The following TTC1 variants were observed in gnomAD, a reference collection of about 807,000 sequenced individuals.
The protein encoded by TTC1 is tetratricopeptide repeat domain 1, also known as tetratricopeptide repeat protein 1.
In TTC1, 31 loss-of-function variants were observed where a neutral mutation model predicts 37.6. The ratio of observed to expected loss-of-function variants is 0.82; its 90% CI spans 0.62 to 1.11. The LOEUF (loss-of-function observed/expected upper bound fraction) is 1.11, where lower values mean the gene tolerates loss of function less well. Ranked by LOEUF, TTC1 falls within the 50% of genes most tolerant of loss-of-function variation. The pLI is 0.00. For missense variants in TTC1, 351 were observed against 339.0 expected, an observed-to-expected ratio of 1.04 and a Z score of -0.28; for synonymous variants, 127 against 122.4, an observed-to-expected ratio of 1.04 and a Z score of -0.25.
At chr5:160,029,168 G>C (rs1756862541) in intron 2 of TTC1, among the ~76,000 whole-genome samples, 1 of 152,170 alleles carries the variant, frequency 6.6e-6, no homozygotes, top group Admixed American at 6.5e-5. Context: ...ATGTGAGGAA[G>C]AATCCTGGGT....
At chr5:160,046,722 T>G (rs1431360639) in intron 5 of TTC1, among the ~76,000 whole-genome samples, 1 of 152,072 alleles carries the variant, frequency 6.6e-6, no homozygotes, top group Non-Finnish European at 1.5e-5. Flanking sequence ...CCTAAGAAAT[T>G]AGAGCAACAG....
In TTC1 at chr5:160,014,241, G is replaced by T. The variant is rs141634528; in HGVS notation, c.330+3383G>T. On this transcript the variant is annotated intron_variant, in intron 2 of 7. Coordinates refer to ENST00000231238, the MANE Select transcript of TTC1 (RefSeq NM_003314.3). ...GGCCTGGTGGCGGGCTCCTGTAATC[G>T]CAACTACTCAGGAGGATGAGGCAGG... Among the ~76,000 whole-genome samples the T allele has an allele frequency of 1.5e-4, 23 of 151,828 alleles. No individual in the cohort carries two copies. The East Asian group carries it at 3.9e-3, about 26-fold the overall frequency.
At chr5:160,045,491 C>A (rs942645749) in intron 5 of TTC1, among the ~76,000 whole-genome samples, 1 of 121,212 alleles carries the variant, frequency 8.3e-6, no homozygotes, top group Non-Finnish European at 1.7e-5. Context: ...CACACACACA[C>A]ACACACACAC....
At position 160,050,492 on chromosome 5, in the gene TTC1, C is replaced by T. The variant is rs149878438; in HGVS notation, c.691-637C>T. On this transcript the variant is annotated intron_variant, in intron 6 of 7. Transcript: ENST00000231238. ...TGAATTTAAAAAAAAGTTAAAAATA[C>T]AAATATAGCACTGTAAACATCTGAT... Among the ~76,000 whole-genome samples, 23 of 152,154 alleles carry T rather than the reference C, an allele frequency of 1.5e-4. 1 individual carries two copies. The highest frequency in any genetic ancestry group is 4.3e-4 in the African/African-American group (18 of 41,510).
At chr5:160,011,598 AACATCTGTCTTCCT>A (rs1468343597) in intron 2 of TTC1, among the ~76,000 whole-genome samples, 1 of 152,236 alleles carries the variant, frequency 6.6e-6, no homozygotes, top group Non-Finnish European at 1.5e-5. Context: ...TAATAACAAA[AACATCTGTCTTCCT>A]ACAAAGCAGA....
chr5:160,048,578 T>C (rs1178616723), intron 5 of TTC1, among the ~76,000 whole-genome samples: 1 of 152,174 alleles, frequency 6.6e-6, no homozygotes, highest in Non-Finnish European at 1.5e-5. Context: ...GGAAAAGATA[T>C]TATGCATCAA....
chr5:160,043,302 T>C, intron 5 of TTC1, 133 bp downstream of exon 5: 1 of 753,614 alleles, frequency 1.3e-6, no homozygotes, highest in East Asian at 2.8e-5. Flanking sequence ...TTTATAATTA[T>C]TTTCAAAGAT....
chr5:160,028,015 C>T (rs764972953), intron 2 of TTC1, among the ~76,000 whole-genome samples: 1 of 152,028 alleles, frequency 6.6e-6, no homozygotes, highest in Non-Finnish European at 1.5e-5. Context: ...AGTTATCAGC[C>T]TTGGCCGGGC....
chr5:160,036,754 A>C lies in TTC1; in HGVS notation c.455A>C (p.Lys152Thr). Residue 152 changes from lysine to threonine, a missense_variant, in exon 4 of 8, where the codon AAG becomes ACG. By Grantham distance (78) the Lys-to-Thr change is moderately conservative (BLOSUM62 -1). Transcript: ENST00000231238. ...ALEMCPSCFQ[K>T]ERSILFSNRA... ...GAAATGTGCCCATCCTGCTTCCAAA[A>C]GGAGAGGTCGATTCTATTTTCAAAT... 6.2e-7 allele frequency: 1 copy of C among 1,614,060 alleles called. No homozygotes were observed. The highest frequency in any genetic ancestry group is 8.5e-7 in the Non-Finnish European group (1 of 1,179,980).
At chr5:160,052,701 A>G (rs752647179) in intron 7 of TTC1, among the ~76,000 whole-genome samples, 1 of 152,176 alleles carries the variant, frequency 6.6e-6, no homozygotes, top group Non-Finnish European at 1.5e-5. Flanking sequence ...GGACTGGTGC[A>G]AACTGAATCT....
At chr5:160,028,580 C>A (rs776079514) in intron 2 of TTC1, among the ~76,000 whole-genome samples, 1 of 152,138 alleles carries the variant, frequency 6.6e-6, no homozygotes, top group Non-Finnish European at 1.5e-5. Context: ...CTCAAGCGAT[C>A]CTCCCACCTC....
chr5:160,040,108 A>T (rs1386470614), intron 4 of TTC1, among the ~76,000 whole-genome samples: 1 of 152,222 alleles, frequency 6.6e-6, no homozygotes, highest in Non-Finnish European at 1.5e-5. Context: ...CCTGGGCTAC[A>T]AACCTGTACA....
intron 5 of TTC1, among the ~76,000 whole-genome samples, chr5:160,047,437 T>C (rs1757281792): frequency 6.6e-6 from 1 of 152,216 alleles, no homozygotes; most frequent in Non-Finnish European, 1.5e-5. Flanking sequence ...GTAATCCGGC[T>C]GCTGTTTTCC....
At chr5:160,061,096 A>G (rs1753374831) in intron 7 of TTC1, among the ~76,000 whole-genome samples, 1 of 152,202 alleles carries the variant, frequency 6.6e-6, no homozygotes, top group Non-Finnish European at 1.5e-5. Context: ...GGCCTGGCTC[A>G]GGACAGCCTG....
chr5:160,052,222 A>G (rs1366580409), intron 7 of TTC1, among the ~76,000 whole-genome samples: 3 of 152,150 alleles, frequency 2.0e-5, no homozygotes, highest in Non-Finnish European at 4.4e-5. Flanking sequence ...ATTTAATTAA[A>G]CTTGGCCAGG....
intron 2 of TTC1, among the ~76,000 whole-genome samples, chr5:160,021,205 A>G (rs1756699305): frequency 6.6e-6 from 1 of 152,214 alleles, no homozygotes; most frequent in Admixed American, 6.5e-5. Context: ...ACAACCAGGC[A>G]TCTGTTTTGT....
At chr5:160,039,858 TAAA>T (rs568099754) in intron 4 of TTC1, among the ~76,000 whole-genome samples, 7 of 152,112 alleles carry the variant, frequency 4.6e-5, no homozygotes. Flanking sequence ...GAAAGAGAAA[TAAA>T]AAAAGGTCCC....
At chr5:160,026,322 T>G (rs78969066) in intron 2 of TTC1, among the ~76,000 whole-genome samples, 12,372 of 152,280 alleles carry the variant, frequency 0.081, 695 homozygotes, top group Admixed American at 0.18. Flanking sequence ...TTTGCAACAG[T>G]GTACTAAGCT....
intron 2 of TTC1, among the ~76,000 whole-genome samples, chr5:160,022,069 GGAGT>G (rs1278657895): frequency 6.6e-6 from 1 of 152,164 alleles, no homozygotes; most frequent in Non-Finnish European, 1.5e-5. Context: ...TAAGCTTGCC[GGAGT>G]GAGAGTCTTG....
Sources: gnomAD v4.1 joint callset for allele counts (sites outside exome capture counted in the v4.1 genomes callset) on GRCh38, gnomAD v4.1.1 for gene constraint, MANE v1.5 for transcripts, NCBI Gene and HGNC (gene_info 2026-07-23, HGNC 2026-07-21) for gene names.